Variants in CAB39L observed in about 807,000 individuals in gnomAD.
The protein encoded by CAB39L is calcium binding protein 39 like, also known as calcium-binding protein 39-like.
In CAB39L, 23 loss-of-function variants were observed where a neutral mutation model predicts 39.1. That is an observed-to-expected ratio of 0.59 (90% CI 0.42 to 0.83). The LOEUF (loss-of-function observed/expected upper bound fraction) is 0.83, where lower values mean the gene tolerates loss of function less well. Among genes scored for constraint, CAB39L ranks in the 40% least tolerant of loss-of-function variants. The pLI is 0.00. For synonymous variants in CAB39L, 126 were observed against 137.2 expected, an observed-to-expected ratio of 0.92 and a Z score of 0.57; for missense variants, 366 against 391.9, an observed-to-expected ratio of 0.93 and a Z score of 0.56.
At chr13:49,320,685 T>TA (rs1438492416) in intron 10 of CAB39L, among the ~76,000 whole-genome samples, 7 of 152,184 alleles carry the variant, frequency 4.6e-5, no homozygotes, top group African/African-American at 1.7e-4. Context: ...ATGCTCCTGT[T>TA]ACGGTTATGT....
chr13:49,346,284 A>C (rs76336450), intron 7 of CAB39L, among the ~76,000 whole-genome samples: 2,090 of 148,008 alleles, frequency 0.014, 27 homozygotes, highest in East Asian at 0.038. Flanking sequence ...TTATGTACAC[A>C]TAATACATAG....
chr13:49,378,575 C>G (rs1173527349), intron 4 of CAB39L, among the ~76,000 whole-genome samples: 1 of 70,428 alleles, frequency 1.4e-5, no homozygotes, highest in African/African-American at 8.2e-5. Context: ...CCGCCCCGTC[C>G]GGGAGGGAGG....
At chr13:49,375,842 G>T (rs764886015) in intron 5 of CAB39L, among the ~76,000 whole-genome samples, 3 of 150,862 alleles carry the variant, frequency 2.0e-5, no homozygotes, top group Non-Finnish European at 4.4e-5. Context: ...GTCAGAAAAT[G>T]CCAAAGGCAG....
chr13:49,338,592 G>A (rs2138418953), intron 9 of CAB39L, among the ~76,000 whole-genome samples: 1 of 151,974 alleles, frequency 6.6e-6, no homozygotes, highest in East Asian at 1.9e-4. Context: ...CATGGCACGT[G>A]TATACATATG....
intron 10 of CAB39L, 135 bp downstream of exon 10, chr13:49,331,812 A>G: frequency 1.3e-6 from 1 of 799,426 alleles, no homozygotes; most frequent in Non-Finnish European, 2.0e-6. Context: ...AATTTCATCT[A>G]AATCATGCAA....
In CAB39L at chr13:49,390,749, T is replaced by C. The variant is rs1192843695; in HGVS notation, c.-31-7808A>G. Among the ~76,000 whole-genome samples the C allele has an allele frequency of 3.3e-5, 5 of 152,022 alleles. 1 individual carries two copies. The highest frequency in any genetic ancestry group is 1.9e-4 in the East Asian group (1 of 5,196). The stretch of plus-strand genomic sequence containing the variant: ...AGAATAGCTGATTGGTAGAAGGGTA[T>C]AGAATTGAAAAACAAATCCACAATT... On this transcript the variant is annotated intron_variant, in intron 3 of 10. Coordinates refer to ENST00000409308, the MANE Select transcript of CAB39L (RefSeq NM_001079670.3).
chr13:49,414,397 A>C (rs890378179), intron 3 of CAB39L, among the ~76,000 whole-genome samples: 1 of 152,198 alleles, frequency 6.6e-6, no homozygotes, highest in Non-Finnish European at 1.5e-5. Flanking sequence ...TTAACATATC[A>C]ATTCTACTAA....
chr13:49,375,829 T>C (rs1956045738), intron 5 of CAB39L, among the ~76,000 whole-genome samples: 1 of 150,100 alleles, frequency 6.7e-6, no homozygotes, highest in Non-Finnish European at 1.5e-5. Context: ...AAAAAGATTA[T>C]GGGTCAGAAA....
At chr13:49,372,127 A>G (rs1456490331) in intron 5 of CAB39L, among the ~76,000 whole-genome samples, 1 of 152,170 alleles carries the variant, frequency 6.6e-6, no homozygotes, top group Non-Finnish European at 1.5e-5. Context: ...CAAAGAGTCT[A>G]AAGCTGTGTC....
rs1240320060 is a variant in CAB39L, at chr13:49,351,954, T to C, written c.396-1042A>G. Among the ~76,000 whole-genome samples the C allele has an allele frequency of 2.6e-5, 4 of 152,220 alleles. No individual in the cohort carries two copies. The East Asian group carries it at 7.7e-4, about 29-fold the overall frequency. On this transcript the variant is annotated intron_variant, in intron 6 of 10. Transcript: ENST00000409308. ...CAAGTTAGTAAAGAAATTAAGAGTT[T>C]GTGGTTGACCACATTAGTTTTGAGA...
chr13:49,348,358 A>C, intron 7 of CAB39L, among the ~76,000 whole-genome samples: 1 of 152,164 alleles, frequency 6.6e-6, no homozygotes, highest in East Asian at 1.9e-4. Context: ...GCTTGAGGTC[A>C]GGAGTTCGAG....
Position 49,334,647 on chromosome 13 carries a change from C to T in CAB39L, c.691-2557G>A, listed in dbSNP as rs1011557798. Among the ~76,000 whole-genome samples the T allele has an allele frequency of 9.3e-4, 142 of 152,252 alleles. 1 individual carries two copies. The highest frequency in any genetic ancestry group is 3.0e-3 in the African/African-American group (125 of 41,556). On this transcript the variant is annotated intron_variant, in intron 9 of 10. Transcript: ENST00000409308. ...GTTTAAAGAATAAGCTCCATAAGGG[C>T]GTGTTTCAAATCCCCTTACAACCTA...
intron 5 of CAB39L, among the ~76,000 whole-genome samples, chr13:49,372,925 G>A (rs1259847569): frequency 2.0e-5 from 3 of 152,052 alleles, no homozygotes; most frequent in Admixed American, 6.5e-5. Flanking sequence ...CGCCCGCCTC[G>A]GCCTCCCAAA....
At chr13:49,393,350 A>G (rs2138627840) in intron 3 of CAB39L, among the ~76,000 whole-genome samples, 1 of 152,192 alleles carries the variant, frequency 6.6e-6, no homozygotes. Context: ...AAAAACTACA[A>G]AACCTTAATT....
At chr13:49,370,285 T>A (rs1955884211) in intron 5 of CAB39L, among the ~76,000 whole-genome samples, 1 of 152,192 alleles carries the variant, frequency 6.6e-6, no homozygotes, top group South Asian at 2.1e-4. Flanking sequence ...AATTTATATA[T>A]TACATGAAAT....
intron 3 of CAB39L, among the ~76,000 whole-genome samples, chr13:49,386,108 GAT>G (rs1956353116): frequency 6.6e-6 from 1 of 152,128 alleles, no homozygotes; most frequent in African/African-American, 2.4e-5. Context: ...CTAAGGGAAA[GAT>G]ATATAACTGT....
At chr13:49,384,499 G>A (rs1594033370) in intron 3 of CAB39L, among the ~76,000 whole-genome samples, 1 of 152,160 alleles carries the variant, frequency 6.6e-6, no homozygotes, top group African/African-American at 2.4e-5. Context: ...CATCTAGAAT[G>A]ATGAATCTTT....
chr13:49,382,976 T>A, intron 3 of CAB39L, 35 bp from the exon 4 acceptor site: 1 of 848,704 alleles, frequency 1.2e-6, no homozygotes, highest in Non-Finnish European at 1.9e-6. Context: ...ATTATAACTT[T>A]AACTCTTAAT....
intron 7 of CAB39L, 101 bp downstream of exon 7, chr13:49,350,643 A>G: frequency 1.3e-6 from 1 of 772,666 alleles, no homozygotes; most frequent in South Asian, 2.2e-5. Context: ...GGCTACACTG[A>G]GGCCTAAGAA....
Sources: allele counts gnomAD v4.1 joint callset (sites outside exome capture counted in the v4.1 genomes callset), GRCh38; gene constraint gnomAD v4.1.1; transcripts MANE v1.5; gene names NCBI Gene and HGNC (gene_info 2026-07-23, HGNC 2026-07-21).